The following DPP6 variants were observed in gnomAD, a reference collection of about 807,000 sequenced individuals.
The protein encoded by DPP6 is dipeptidyl peptidase like 6.
A neutral mutation model predicts 122.6 loss-of-function variants in DPP6; 69 were observed. The observed-to-expected ratio is 0.56, with a 90% CI of 0.46 to 0.69. DPP6 has a LOEUF of 0.69. Ranked by LOEUF, DPP6 falls within the 30% of genes least tolerant of loss-of-function variation. The pLI, the probability that DPP6 is intolerant of heterozygous loss-of-function variation, is 0.00. For missense variants in DPP6, 928 were observed against 1,116.9 expected (o/e 0.83, Z 2.41); for synonymous variants, 418 against 433.1 (o/e 0.97, Z 0.43).
At chr7:154,395,707 C>T (rs1563599676) in intron 1 of DPP6, among the ~76,000 whole-genome samples, 1 of 151,738 alleles carries the variant, frequency 6.6e-6, no homozygotes, top group African/African-American at 2.4e-5. Flanking sequence ...GATCATTTTA[C>T]TTTTTTTTCT....
chr7:154,063,727 T>A (rs1301746692), intron 1 of DPP6, among the ~76,000 whole-genome samples: 1 of 149,350 alleles, frequency 6.7e-6, no homozygotes. Flanking sequence ...CCAGCCCCTC[T>A]TCCCCCCCGG....
intron 6 of DPP6, among the ~76,000 whole-genome samples, chr7:154,651,298 A>C (rs1055781087): frequency 6.6e-6 from 1 of 152,166 alleles, no homozygotes; most frequent in Non-Finnish European, 1.5e-5. Context: ...GAATGAGTAA[A>C]TTACCTTTGT....
chr7:154,268,449 TAG>T (rs111492172), intron 1 of DPP6, among the ~76,000 whole-genome samples: 1 of 152,340 alleles, frequency 6.6e-6, no homozygotes, highest in African/African-American at 2.4e-5. Context: ...TGGATGGGAC[TAG>T]AGGTCTCCCT....
chr7:154,701,708 C>G (rs745710429), intron 7 of DPP6, among the ~76,000 whole-genome samples: 1 of 152,216 alleles, frequency 6.6e-6, no homozygotes, highest in East Asian at 1.9e-4. Flanking sequence ...GTTCATAAAT[C>G]TCCAGACTGC....
At chr7:154,220,712 G>GT in intron 1 of DPP6, among the ~76,000 whole-genome samples, 1 of 152,248 alleles carries the variant, frequency 6.6e-6, no homozygotes, top group Middle Eastern at 3.4e-3. Context: ...ATACATTCCT[G>GT]TTTTTTCTAA....
intron 1 of DPP6, among the ~76,000 whole-genome samples, chr7:154,247,036 G>C (rs1222531874): frequency 6.6e-6 from 1 of 152,224 alleles, no homozygotes; most frequent in Non-Finnish European, 1.5e-5. Flanking sequence ...TCAAGGGCCA[G>C]GTGCAGTGGC....
At chr7:154,375,542 G>A (rs758299252) in intron 1 of DPP6, among the ~76,000 whole-genome samples, 24 of 152,162 alleles carry the variant, frequency 1.6e-4, no homozygotes, top group Non-Finnish European at 3.1e-4. Context: ...TCATGAAGGC[G>A]TGGCCCCATG....
intron 10 of DPP6, 31 bp downstream of exon 10, chr7:154,772,973 A>C (rs1045030023): frequency 1.2e-5 from 18 of 1,523,232 alleles, no homozygotes; most frequent in Non-Finnish European, 1.6e-5. Flanking sequence ...TTACCAAAAA[A>C]AAAAAAAAAC....
chr7:154,422,697 G>GGGGGTGGGTAGATGGA, intron 1 of DPP6, among the ~76,000 whole-genome samples: 1 of 31,898 alleles, frequency 3.1e-5, no homozygotes, highest in African/African-American at 1.0e-4. Context: ...TGGATGGTGA[G>GGGGGTGGGTAGATGGA]TGGGTGGGTA....
intron 1 of DPP6, among the ~76,000 whole-genome samples, chr7:154,198,476 T>A (rs1798989634): frequency 6.6e-6 from 1 of 152,024 alleles, no homozygotes; most frequent in African/African-American, 2.4e-5. Context: ...CACACCTGGC[T>A]CATTTTTTTG....
At chr7:154,173,717 C>T (rs902911559) in intron 1 of DPP6, among the ~76,000 whole-genome samples, 3 of 152,186 alleles carry the variant, frequency 2.0e-5, no homozygotes, top group Non-Finnish European at 4.4e-5. Context: ...AGGGGACAGA[C>T]ACGGGATTCC....
At chr7:154,489,183 C>T (rs1360150180) in intron 3 of DPP6, among the ~76,000 whole-genome samples, 4 of 152,184 alleles carry the variant, frequency 2.6e-5, no homozygotes, top group Non-Finnish European at 5.9e-5. Context: ...TTGCTTCTAT[C>T]ACAGAACTTT....
upstream of DPP6, among the ~76,000 whole-genome samples, chr7:153,886,651 C>T (rs1359416429): frequency 6.6e-6 from 1 of 152,210 alleles, no homozygotes; most frequent in Non-Finnish European, 1.5e-5. Flanking sequence ...ACTGCAAGGT[C>T]CTCTGCGCCC....
At chr7:154,635,963 T>C (rs553089996) in intron 5 of DPP6, among the ~76,000 whole-genome samples, 22 of 152,298 alleles carry the variant, frequency 1.4e-4, no homozygotes, top group Middle Eastern at 3.4e-3. Flanking sequence ...ATTCTGTTCA[T>C]GAGGGTCACT....
intron 3 of DPP6, among the ~76,000 whole-genome samples, chr7:154,482,171 G>A (rs937171882): frequency 3.3e-5 from 5 of 152,214 alleles, no homozygotes; most frequent in African/African-American, 1.2e-4. Flanking sequence ...AACAACCAAC[G>A]CAAAGGTCTT....
intron 5 of DPP6, among the ~76,000 whole-genome samples, chr7:154,620,466 G>A (rs1287783653): frequency 6.6e-6 from 1 of 152,218 alleles, no homozygotes; most frequent in Non-Finnish European, 1.5e-5. Flanking sequence ...CAAAACCAGA[G>A]GATATATTTA....
intron 1 of DPP6, among the ~76,000 whole-genome samples, chr7:154,083,821 G>A (rs1273483959): frequency 6.6e-6 from 1 of 151,584 alleles, no homozygotes; most frequent in Non-Finnish European, 1.5e-5. Flanking sequence ...TTAGCTTCAT[G>A]CATTAAGACA....
At chr7:153,818,937 A>G in the DPP6 span, among the ~76,000 whole-genome samples, 1 of 151,540 alleles carries the variant, frequency 6.6e-6, no homozygotes, top group Non-Finnish European at 1.5e-5. Flanking sequence ...TTTTTAGTAG[A>G]GATGGGGTTT....
At chr7:154,254,030 T>C (rs1802509918) in intron 1 of DPP6, among the ~76,000 whole-genome samples, 1 of 152,198 alleles carries the variant, frequency 6.6e-6, no homozygotes, top group Non-Finnish European at 1.5e-5. Flanking sequence ...AGGAAGTCTG[T>C]CTTGATGATT....
Sources: allele counts gnomAD v4.1 joint callset (sites outside exome capture counted in the v4.1 genomes callset), GRCh38; gene constraint gnomAD v4.1.1; transcripts MANE v1.5; gene names NCBI Gene and HGNC (gene_info 2026-07-23, HGNC 2026-07-21).